Variants in GNAS observed in about 807,000 individuals in gnomAD.
GNAS encodes the protein GNAS complex locus, also known as protein ALEX.
A neutral mutation model predicts 54.5 loss-of-function variants in GNAS; 8 were observed. The ratio of observed to expected loss-of-function variants is 0.15; its 90% confidence interval spans 0.09 to 0.26. The LOEUF (loss-of-function observed/expected upper bound fraction) is 0.26. Among genes scored for constraint, GNAS ranks in the 10% least tolerant of loss-of-function variants. The pLI, the probability that GNAS is intolerant of heterozygous loss-of-function variation, is 1.00. For synonymous variants in GNAS, 204 were observed against 191.4 expected (o/e 1.07, Z -0.54); for missense variants, 170 against 529.8 (o/e 0.32, Z 6.67).
In GNAS at chr20:58,855,661, C is replaced by CGGGGAG. The variant is rs1349252912; in HGVS notation, c.43+14779_43+14784dup. 3 of 477,134 alleles carry CGGGGAG rather than the reference C, an allele frequency of 6.3e-6. No individual in the cohort carries two copies. The Admixed American group carries it at 7.4e-5, about 12-fold the overall frequency. 29.6% of individuals were successfully genotyped at this position (477,134 alleles called of 1,614,324 possible). On this transcript the variant is annotated intron_variant, in intron 1 of 12. Coordinates refer to the GNAS transcript ENST00000306090. Reference sequence around the variant, plus strand: ...GGGCTTCAGGTGAGCCAGGAACTGCCGGGGAGGGGCCCCGGGGCCCCGGGA... The same window carrying CGGGGAG: ...GGGCTTCAGGTGAGCCAGGAACTGCCGGGGAGGGGGAGGGGCCCCGGGGCCCCGGGA...
In GNAS at chr20:58,854,455, C is replaced by A. The variant is rs895175482; in HGVS notation, c.43+13569C>A. Reference sequence around the variant, plus strand: ...GATACCGCTGCCAGGGCAGCCCCTGCAGCCCCAGCCGATCCTGACTCCGGG... The same window carrying A: ...GATACCGCTGCCAGGGCAGCCCCTGAAGCCCCAGCCGATCCTGACTCCGGG... On this transcript the variant is annotated intron_variant, in intron 1 of 12. Coordinates refer to the GNAS transcript ENST00000306090. The A allele has an allele frequency of 1.3e-6, 2 of 1,577,938 alleles. No individual in the cohort carries two copies. The highest frequency in any genetic ancestry group is 2.7e-5 in the African/African-American group (2 of 73,680).
Position 58,841,715 on chromosome 20 carries a change from G to A in GNAS, c.43+829G>A, listed in dbSNP as rs1003197877. 32 of 1,217,910 alleles carry A rather than the reference G, an allele frequency of 2.6e-5. No individual in the cohort carries two copies. Among genetic ancestry groups the A allele is most frequent in the Non-Finnish European group, 3.3e-5 (32 of 979,526 alleles). 75.4% of individuals were successfully genotyped at this position (1,217,910 alleles called of 1,614,324 possible). A position where few individuals can be genotyped will look rare whatever the true frequency, so the allele number is the denominator to read the frequency against. On this transcript the variant is annotated intron_variant, in intron 1 of 12. Transcript: ENST00000306090. The surrounding 1 kb of genome is among the most constrained non-coding windows in gnomAD (Gnocchi z 5.0). ...AGGGGACCCTTGGGGATGCCCCTAC[G>A]GGCTACCAGGGTTGAACGCACAGGC...
intron 1 of GNAS, chr20:58,881,606 C>T (rs1439379398): frequency 6.6e-6 from 1 of 152,300 alleles, no homozygotes; most frequent in African/African-American, 2.4e-5. Context: ...ATGTGCCTTC[C>T]CTCACTGTTG....
intron 1 of GNAS, among the ~76,000 whole-genome samples, chr20:58,849,467 G>A (rs542221257): frequency 1.1e-4 from 16 of 152,162 alleles, no homozygotes; most frequent in Non-Finnish European, 1.5e-4. Context: ...TTGTAAGTAC[G>A]ATTGCCAATT....
At position 58,856,029 on chromosome 20, in the gene GNAS, G is replaced by A; in HGVS notation, c.43+15143G>A. The A allele has an allele frequency of 4.9e-6, 1 of 204,336 alleles. No homozygotes were observed. Among genetic ancestry groups the A allele is most frequent in the South Asian group, 1.4e-4 (1 of 6,990 alleles). 12.7% of individuals were successfully genotyped at this position (204,336 alleles called of 1,614,324 possible). The stretch of plus-strand genomic sequence containing the variant: ...GCGGAGGACACGCGGGGAAGGTGGC[G>A]GGGCCTCCCGGGAAATAAGCGGGGC... On this transcript the variant is annotated intron_variant, in intron 1 of 12. Coordinates refer to the GNAS transcript ENST00000306090. This position sits in a 1 kb window ranked among gnomAD's most constrained non-coding sequence, Gnocchi z 4.2.
intron 1 of GNAS, among the ~76,000 whole-genome samples, chr20:58,893,440 G>A (rs1034798152): frequency 3.9e-5 from 6 of 152,102 alleles, no homozygotes; most frequent in Non-Finnish European, 8.8e-5. Context: ...GAATTTGCTA[G>A]GTTAAGACCT....
upstream of GNAS, chr20:58,889,025 G>A (rs187389909): frequency 1.8e-5 from 18 of 983,424 alleles, no homozygotes; most frequent in African/African-American, 2.8e-4. Context: ...TGCACCCCCA[G>A]GGTGCGCGGC....
intron 1 of GNAS, chr20:58,892,288 C>T (rs1417010424): frequency 4.8e-6 from 3 of 630,448 alleles, no homozygotes; most frequent in African/African-American, 2.0e-5. Context: ...GGACAGGAAA[C>T]CGGGTGGCGG....
At chr20:58,842,444 T>C (rs2085775471) in intron 1 of GNAS, 1 of 398,508 alleles carries the variant, frequency 2.5e-6, no homozygotes. Flanking sequence ...TTAAATGGTC[T>C]TCCTTCCAGG....
At position 58,905,450 on chromosome 20, in the gene GNAS, A is replaced by G. The variant is rs1178838217; in HGVS notation, c.500A>G (p.Asn167Ser). The G allele has an allele frequency of 6.2e-7, 1 of 1,605,298 alleles. No homozygotes were observed. The highest frequency in any genetic ancestry group is 8.5e-7 in the Non-Finnish European group (1 of 1,171,990). ...EGVRACYERSNEYQLIDCAQY... is the reference protein window; with the variant it reads ...EGVRACYERSSEYQLIDCAQY... ...GTGCGTGCCTGCTACGAACGCTCCAACGAGTACCAGCTGATTGACTGTGCC... is the reference window on the plus strand; with the variant it reads ...GTGCGTGCCTGCTACGAACGCTCCAGCGAGTACCAGCTGATTGACTGTGCC... Residue 167 changes from asparagine (N) to serine (S), a missense_variant, in exon 6 of 13, where the codon AAC (asparagine) becomes AGC (serine). Coordinates refer to ENST00000371085, the MANE Select transcript of GNAS (RefSeq NM_000516.7).
rs2146298951 is a variant in GNAS at position 58,910,322 on chromosome 20, CT to C, written c.971-7del. The C allele has an allele frequency of 6.3e-7, 1 of 1,593,798 alleles. No individual in the cohort carries two copies. The highest frequency in any genetic ancestry group is 8.6e-7 in the Non-Finnish European group (1 of 1,161,562). On this transcript the variant is annotated splice_polypyrimidine_tract_variant and intron_variant, in intron 11 of 12. Transcript: ENST00000371085. The surrounding 1 kb of genome is among the most constrained non-coding windows in gnomAD (Gnocchi z 5.8). The stretch of plus-strand genomic sequence containing the variant: ...TTTAAATTACATTAATATGTATTCC[CT>C]TTTTATATAGCTACTCCCGAGCCCG...
intron 3 of GNAS, 28 bp downstream of exon 3, chr20:58,899,013 T>G (rs200973258): frequency 1.8e-5 from 28 of 1,580,284 alleles, no homozygotes; most frequent in Middle Eastern, 1.7e-4. Context: ...CAGAAAAAAT[T>G]GTTAACAAAC....
At chr20:58,898,900 T>A (rs1439190308) in intron 2 of GNAS, 41 bp from the exon 3 acceptor site, 1 of 1,564,034 alleles carries the variant, frequency 6.4e-7, no homozygotes, top group Non-Finnish European at 8.8e-7. Flanking sequence ...GACACTGCGG[T>A]GCCTTGCAGA....
At chr20:58,903,465 A>C in intron 3 of GNAS, 66 bp from the exon 4 acceptor site, 1 of 1,291,716 alleles carries the variant, frequency 7.7e-7, no homozygotes. Context: ...GGATGTCTTT[A>C]TGAAAGCAGT....
upstream of GNAS, chr20:58,889,361 G>C (rs868317698): frequency 9.6e-5 from 94 of 984,158 alleles, no homozygotes; most frequent in Middle Eastern, 2.1e-3. Context: ...CATGTAAGTC[G>C]GGGAGCGCCG....
At chr20:58,890,976 C>T (rs1450317833), upstream of GNAS, among the ~76,000 whole-genome samples, 1 of 151,518 alleles carries the variant, frequency 6.6e-6, no homozygotes, top group African/African-American at 2.4e-5. Context: ...ACCCCAGCCC[C>T]TCGGCGGCGC....
chr20:58,868,796 CT>C (rs1045116877), intron 1 of GNAS, among the ~76,000 whole-genome samples: 5 of 152,004 alleles, frequency 3.3e-5, no homozygotes, highest in East Asian at 3.9e-4. Flanking sequence ...CAGGAACTAC[CT>C]TTTTTTTGGA....
intron 1 of GNAS, among the ~76,000 whole-genome samples, chr20:58,874,956 T>A (rs1189820837): frequency 6.6e-6 from 1 of 152,264 alleles, no homozygotes; most frequent in African/African-American, 2.4e-5. Context: ...ATCTATTTAT[T>A]ACCCTTGAAA....
chr20:58,898,634 T>TG (rs1454999152), intron 2 of GNAS: 2 of 516,704 alleles, frequency 3.9e-6, no homozygotes, highest in East Asian at 6.5e-5. Context: ...CCCTAATGCG[T>TG]GTACGTTTAG....
Sources: gnomAD v4.1 joint callset for allele counts (sites outside exome capture counted in the v4.1 genomes callset) on GRCh38, gnomAD v4.1.1 for gene constraint, Gnocchi (gnomAD v3.1) non-coding constraint, MANE v1.5 for transcripts, NCBI Gene and HGNC (gene_info 2026-07-23, HGNC 2026-07-21) for gene names.